TAF4: variants seen among roughly 807,000 people sequenced by gnomAD.
TAF4 encodes transcription initiation factor TFIID subunit 4.
In TAF4, 9 loss-of-function variants were observed where a neutral mutation model predicts 90.3. The ratio of observed to expected loss-of-function variants is 0.10; its 90% CI spans 0.06 to 0.17. The LOEUF (loss-of-function observed/expected upper bound fraction) is 0.17, where lower values mean the gene tolerates loss of function less well. Ranked by LOEUF, TAF4 falls within the 10% of genes least tolerant of loss-of-function variation. TAF4 has a pLI of 1.00. For missense variants in TAF4, 1,351 were observed against 1,370.7 expected (o/e 0.99, Z 0.23); for synonymous variants, 818 against 638.9 (o/e 1.28, Z -4.23).
chr20:62,065,124 G>T lies in TAF4; in HGVS notation c.687C>A (p.Pro229=), dbSNP rs1234361931. ...TGACAGTGCCGGGGGCGGCGGGCTT[G>T]GGCAGCGGCAGCAGCGCGGCGGGCC... is the stretch of plus-strand genomic sequence containing the variant. ...NNGPAALLPL[P]KPAAPGTVIQ... is the part of the protein sequence containing the mutation. The change falls in exon 1 of 15, where the codon CCC becomes CCA. Residue 229 remains proline, a synonymous_variant. Transcript: ENST00000252996. 8.6e-7 allele frequency: 1 copy of T among 1,160,500 alleles called. No individual in the cohort carries two copies. Among genetic ancestry groups the T allele is most frequent in the East Asian group, 9.2e-5 (1 of 10,846 alleles). The allele number at this position is 1,160,500 out of a possible 1,614,324, so 71.9% of individuals were successfully genotyped here.
intron 14 of TAF4, among the ~76,000 whole-genome samples, chr20:61,976,939 T>C (rs900553937): frequency 5.3e-5 from 8 of 152,218 alleles, no homozygotes; most frequent in Non-Finnish European, 1.0e-4. Context: ...GCCTCAGATG[T>C]GTTCCTGCTT....
At chr20:62,051,238 G>GGCCTGCGCCCCA (rs1212698136) in intron 1 of TAF4, among the ~76,000 whole-genome samples, 1 of 152,144 alleles carries the variant, frequency 6.6e-6, no homozygotes, top group East Asian at 1.9e-4. Flanking sequence ...GCGAGGCCCC[G>GGCCTGCGCCCCA]GCCTGCGCCC....
chr20:62,065,182 G>C lies in TAF4; in HGVS notation c.629C>G (p.Ala210Gly). The change falls in exon 1 of 15, where the codon GCC (alanine) becomes GGC (glycine). Residue 210 changes from alanine to glycine, a missense_variant. Coordinates refer to ENST00000252996, the MANE Select transcript of TAF4 (RefSeq NM_003185.4). ...GACCAGGCTGACAGCAGGTGCGGCG[G>C]CGTGGTGCGAGTTCAGCAGCGCGGC... ...GSAALLNSHH[A>G]AAPAVSLVNN... The C allele has an allele frequency of 8.3e-7, 1 of 1,211,622 alleles. No individual in the cohort carries two copies. The highest frequency in any genetic ancestry group is 1.1e-6 in the Non-Finnish European group (1 of 949,138). 75.1% of individuals were successfully genotyped at this position (1,211,622 alleles called of 1,614,324 possible).
chr20:62,041,733 C>A (rs1377819404), intron 1 of TAF4, among the ~76,000 whole-genome samples: 1 of 151,710 alleles, frequency 6.6e-6, no homozygotes, highest in Non-Finnish European at 1.5e-5. Context: ...GAGTTTAAGA[C>A]CAGCCTGGGC....
chr20:62,053,527 C>T (rs545234759), intron 1 of TAF4, among the ~76,000 whole-genome samples: 5 of 152,334 alleles, frequency 3.3e-5, no homozygotes, highest in South Asian at 2.1e-4. Context: ...GAGCCACGAG[C>T]GACGTTTATG....
At chr20:62,042,065 G>A (rs1299795034) in intron 1 of TAF4, among the ~76,000 whole-genome samples, 1 of 152,158 alleles carries the variant, frequency 6.6e-6, no homozygotes, top group Admixed American at 6.5e-5. Context: ...AGCCCTAAAT[G>A]GGAACAGGCA....
chr20:62,063,113 C>T (rs1170782749), intron 1 of TAF4, among the ~76,000 whole-genome samples: 1 of 152,200 alleles, frequency 6.6e-6, no homozygotes, highest in Non-Finnish European at 1.5e-5. Flanking sequence ...TAAAGGGCGT[C>T]TCAGCAACCC....
At chr20:61,999,173 T>C in intron 11 of TAF4, 65 bp from the exon 12 acceptor site, 8 of 1,584,862 alleles carry the variant, frequency 5.0e-6, no homozygotes, top group Non-Finnish European at 6.9e-6. Flanking sequence ...AGGGGTTGTC[T>C]AGCACCACTG....
intron 1 of TAF4, among the ~76,000 whole-genome samples, chr20:62,018,874 T>C (rs985068523): frequency 1.3e-5 from 2 of 152,206 alleles, no homozygotes; most frequent in Non-Finnish European, 2.9e-5. Flanking sequence ...GGATGGGGCA[T>C]AGCCCTGAAG....
At position 62,027,804 on chromosome 20, in the gene TAF4, G is replaced by A. The variant is rs1409336218; in HGVS notation, c.1361-13097C>T. Among the ~76,000 whole-genome samples, 5 of 152,192 alleles carry A rather than the reference G, an allele frequency of 3.3e-5. No homozygotes were observed. In the South Asian group the frequency reaches 6.2e-4, roughly 19 times the overall value. On this transcript the variant is annotated intron_variant, in intron 1 of 14. Transcript: ENST00000252996. ...TGTCACCAAGCCCTCAACACACAAC[G>A]GAGGGCACAGCAGGCATGGCCCACA... is the stretch of plus-strand genomic sequence containing the variant.
chr20:61,976,742 C>T (rs764631248), intron 14 of TAF4, among the ~76,000 whole-genome samples: 66 of 152,360 alleles, frequency 4.3e-4, no homozygotes, highest in Middle Eastern at 3.4e-3. Flanking sequence ...TGTGTGTCAT[C>T]CCCGCTTGGC....
intron 1 of TAF4, among the ~76,000 whole-genome samples, chr20:62,015,085 G>A (rs760302533): frequency 3.3e-5 from 5 of 152,120 alleles, no homozygotes; most frequent in Non-Finnish European, 4.4e-5. Context: ...CCAGGGCCAC[G>A]TCCGCTGGGC....
At chr20:62,012,986 A>AC in intron 2 of TAF4, 52 bp from the exon 3 acceptor site, 3 of 1,600,966 alleles carry the variant, frequency 1.9e-6, no homozygotes, top group East Asian at 4.5e-5. Context: ...AGGAATTCCC[A>AC]CCCCCAGGTA....
chr20:62,022,871 C>G (rs938040223), intron 1 of TAF4, among the ~76,000 whole-genome samples: 10 of 151,904 alleles, frequency 6.6e-5, no homozygotes, highest in East Asian at 5.8e-4. Context: ...GCCCCCCCCC[C>G]GCACATTGCA....
At chr20:61,998,779 A>C (rs1234347044) in intron 12 of TAF4, among the ~76,000 whole-genome samples, 1 of 152,202 alleles carries the variant, frequency 6.6e-6, no homozygotes, top group Non-Finnish European at 1.5e-5. Flanking sequence ...GAATCTTAAG[A>C]AGCCCCGCTT....
chr20:61,993,996 C>A (rs1175203531), intron 14 of TAF4, among the ~76,000 whole-genome samples: 3 of 152,076 alleles, frequency 2.0e-5, no homozygotes, highest in African/African-American at 7.2e-5. Context: ...CATGATCCAC[C>A]CGCCTCGGCC....
rs1307459907 is a variant in TAF4 at position 62,065,292 on chromosome 20, G to C, written c.519C>G (p.Gly173=). The change falls in exon 1 of 15, where the codon GGC becomes GGG. Residue 173 remains glycine, a synonymous_variant. Transcript: ENST00000252996. ...GGCCGGGGCCGGGGCCGGGCCCGGGGCCGGGGCCGGCGCGGGCGGCCAGCG... is the reference window on the plus strand; with the variant it reads ...GGCCGGGGCCGGGGCCGGGCCCGGGCCCGGGGCCGGCGCGGGCGGCCAGCG... ...PAALAARAGP[G]PGPGPGPGPG... 1.1e-6 allele frequency: 1 copy of C among 928,538 alleles called. No individual in the cohort carries two copies. The allele number at this position is 928,538 out of a possible 1,614,324, so 57.5% of individuals were successfully genotyped here.
Position 62,000,632 on chromosome 20 carries a change from A to C in TAF4, c.2576T>G (p.Leu859Trp). ...SARILATNSELVGTLTRSCKD... is the reference protein window; with the variant it reads ...SARILATNSEWVGTLTRSCKD... ...ACAGGACCGCGTTAGCGTGCCCACC[A>C]ATTCAGAGTTCGTGGCTAATATTCT... The change falls in exon 10 of 15, where the codon TTG becomes TGG. Residue 859 changes from leucine to tryptophan, a missense_variant. Physicochemically the swap from Leu to Trp is moderately conservative, Grantham distance 61. This residue lies in a region of TAF4 where 95 missense variants were observed against 151.3 expected (regional missense o/e 0.63). Transcript: ENST00000252996. 6.2e-7 allele frequency: 1 copy of C among 1,614,290 alleles called. No homozygotes were observed. Among genetic ancestry groups the C allele is most frequent in the Non-Finnish European group, 8.5e-7 (1 of 1,180,048 alleles).
intron 1 of TAF4, among the ~76,000 whole-genome samples, chr20:62,049,819 G>A (rs566829870): frequency 9.1e-4 from 138 of 152,230 alleles, no homozygotes; most frequent in African/African-American, 3.3e-3. Context: ...ATAGAAATGC[G>A]AGCCTCAGTG....
Sources: allele counts gnomAD v4.1 joint callset (sites outside exome capture counted in the v4.1 genomes callset), GRCh38; gene constraint gnomAD v4.1.1; regional missense constraint gnomAD v4.1.1; transcripts MANE v1.5; gene names NCBI Gene and HGNC (gene_info 2026-07-23, HGNC 2026-07-21).